Variants in ACAP1 observed in about 807,000 individuals in gnomAD.
ACAP1 encodes arf-GAP with coiled-coil, ANK repeat and PH domain-containing protein 1.
ACAP1 carries 45 observed loss-of-function variants against 98.8 expected under a neutral mutation model. The ratio of observed to expected loss-of-function variants is 0.46; its 90% confidence interval spans 0.36 to 0.58. ACAP1 has a LOEUF of 0.58. Among genes scored for constraint, ACAP1 ranks in the 20% least tolerant of loss-of-function variants. ACAP1 has a pLI of 0.00. For synonymous variants in ACAP1, 362 were observed against 375.3 expected (o/e 0.96, Z 0.41); for missense variants, 735 against 971.4 (o/e 0.76, Z 3.24).
intron 2 of ACAP1, among the ~76,000 whole-genome samples, chr17:7,339,540 G>A (rs1211207620): frequency 6.6e-6 from 1 of 151,966 alleles, no homozygotes; most frequent in Admixed American, 6.6e-5. Context: ...AACCCAGGAG[G>A]CGGAGGTTGC....
chr17:7,336,739 C>T lies in ACAP1; in HGVS notation c.5C>T (p.Thr2Met), dbSNP rs764415476. The change falls in exon 1 of 22, where the codon ACG becomes ATG. Residue 2 changes from threonine to methionine, a missense_variant. Transcript: ENST00000158762. M[T>M]VKLDFEECLK... ...CCCCACAGCAGGCAAGCTGAGATGA[C>T]GGTCAAGCTGGATTTCGAGGAGTGT... 44 of 1,613,790 alleles carry T rather than the reference C, an allele frequency of 2.7e-5. 1 individual carries two copies. Among genetic ancestry groups the T allele is most frequent in the South Asian group, 2.5e-4 (23 of 91,094 alleles).
rs1351637025 is a variant in ACAP1 at position 7,344,626 on chromosome 17, A to G, written c.832A>G (p.Asn278Asp). Residue 278 changes from asparagine (N) to aspartate (D), a missense_variant, in exon 10 of 22, where the codon AAC (asparagine) becomes GAC (aspartate). Asn to Asp is a conservative substitution (Grantham distance 23). Transcript: ENST00000158762. The surrounding 1 kb of genome is among the most constrained non-coding windows in gnomAD (Gnocchi z 4.9). ...MEGHLFKRAS[N>D]AFKTWSRRWF... ...AGGACATCTCTTCAAACGGGCCAGC[A>G]ACGCATTTAAGACCTGGAGCAGGTG... is the stretch of plus-strand genomic sequence containing the variant. 2.6e-6 allele frequency: 4 copies of G among 1,551,480 alleles called. No individual in the cohort carries two copies. The highest frequency in any genetic ancestry group is 8.7e-7 in the Non-Finnish European group (1 of 1,146,942).
At chr17:7,348,733 G>A (rs749433004) in intron 17 of ACAP1, 30 of 583,678 alleles carry the variant, frequency 5.1e-5, no homozygotes, top group African/African-American at 1.3e-4. Flanking sequence ...TGGCTGGAGC[G>A]TCAGGGGTTG....
At chr17:7,342,596 TC>T in intron 5 of ACAP1, 122 bp downstream of exon 5, 1 of 1,151,092 alleles carries the variant, frequency 8.7e-7, no homozygotes, top group Non-Finnish European at 1.3e-6. Context: ...CGAAACTGTC[TC>T]CACAAAAAAT....
intron 1 of ACAP1, 125 bp from the exon 2 acceptor site, chr17:7,337,187 G>A: frequency 2.3e-6 from 2 of 864,498 alleles, no homozygotes; most frequent in South Asian, 1.5e-5. Context: ...AGGTGGGTGG[G>A]GGGCGAGCCT....
In ACAP1 at chr17:7,342,487, C is replaced by G; in HGVS notation, c.344+13C>G. The stretch of plus-strand genomic sequence containing the variant: ...CCCTGGTCAAGGAGTGAGATGGGGC[C>G]GGGCGCAGTGGCTCATGCCTGTAAT... On this transcript the variant is annotated intron_variant, in intron 5 of 21. Coordinates refer to ENST00000158762, the MANE Select transcript of ACAP1 (RefSeq NM_014716.4). 6.2e-7 allele frequency: 1 copy of G among 1,613,786 alleles called. No homozygotes were observed. The highest frequency in any genetic ancestry group is 8.5e-7 in the Non-Finnish European group (1 of 1,179,786).
chr17:7,343,766 G>GT lies in ACAP1; in HGVS notation c.573+16_573+17insT. ...CATGGAGTTTGTGAGTTGTGGCGGGGGTGAGGGCAGGGTGGAGAAGAGCCT... is the reference window on the plus strand; with the variant it reads ...CATGGAGTTTGTGAGTTGTGGCGGGGTGTGAGGGCAGGGTGGAGAAGAGCCT... On this transcript the variant is annotated intron_variant, in intron 7 of 21. Transcript: ENST00000158762. This position sits in a 1 kb window ranked among gnomAD's most constrained non-coding sequence, Gnocchi z 4.9. 2 of 1,613,760 alleles carry GT rather than the reference G, an allele frequency of 1.2e-6. No homozygotes were observed. Among genetic ancestry groups the GT allele is most frequent in the South Asian group, 2.2e-5 (2 of 91,064 alleles).
In ACAP1 at chr17:7,336,915, G is replaced by T. The variant is rs1017628531; in HGVS notation, c.53+128G>T. On this transcript the variant is annotated intron_variant, in intron 1 of 21. Coordinates refer to ENST00000158762, the MANE Select transcript of ACAP1 (RefSeq NM_014716.4). ...CTAAGAGGCAGGAGCGAGCCTGTGG[G>T]CCAAAGTGGTACCCCAGCTGTGAAA... is the stretch of plus-strand genomic sequence containing the variant. 4 of 974,956 alleles carry T rather than the reference G, an allele frequency of 4.1e-6. No homozygotes were observed. In the African/African-American group the frequency reaches 6.5e-5, roughly 16 times the overall value. 60.4% of individuals were successfully genotyped at this position (974,956 alleles called of 1,614,324 possible). A position where few individuals can be genotyped will look rare whatever the true frequency, so the allele number is the denominator to read the frequency against.
intron 1 of ACAP1, 146 bp downstream of exon 1, chr17:7,336,933 C>T (rs1228194418): frequency 1.2e-6 from 1 of 822,516 alleles, no homozygotes; most frequent in African/African-American, 1.7e-5. Context: ...GGTACCCCAG[C>T]TGTGAAAGCA....
At position 7,346,295 on chromosome 17, in the gene ACAP1, G is replaced by C. The variant is rs947250614; in HGVS notation, c.906G>C (p.Lys302Asn). Residue 302 changes from lysine (K) to asparagine (N), a missense_variant and splice_region_variant, in exon 11 of 22, where the codon AAG becomes AAC. By Grantham distance (94) the Lys-to-Asn change is moderately conservative (BLOSUM62 0). Transcript: ENST00000158762. ...AACTGGTTTACCAGAAGAAGTACAA[G>C]GTGAGTGGACCTGGGTCCTGGATGC... ...SNQLVYQKKY[K>N]DPVTVVVDDL... 1.2e-6 allele frequency: 2 copies of C among 1,614,214 alleles called. No individual in the cohort carries two copies. Among genetic ancestry groups the C allele is most frequent in the Non-Finnish European group, 1.7e-6 (2 of 1,180,030 alleles).
chr17:7,351,165 C>T lies in ACAP1; in HGVS notation c.2123-130C>T. The T allele has an allele frequency of 3.7e-6, 4 of 1,081,142 alleles. No homozygotes were observed. In the South Asian group the frequency reaches 4.4e-5, roughly 12 times the overall value. The allele number at this position is 1,081,142 out of a possible 1,614,324, so 67.0% of individuals were successfully genotyped here. A position where few individuals can be genotyped will look rare whatever the true frequency, so the allele number is the denominator to read the frequency against. On this transcript the variant is annotated intron_variant, in intron 21 of 21. Transcript: ENST00000158762. ...GGCCCTGGCAAGGCATAGGTGCTGGCGCAGTGCCCGCGGCGCGCACGTTCC... is the reference window on the plus strand; with the variant it reads ...GGCCCTGGCAAGGCATAGGTGCTGGTGCAGTGCCCGCGGCGCGCACGTTCC...
Position 7,346,423 on chromosome 17 carries a change from T to A in ACAP1, c.939T>A (p.Arg313=), listed in dbSNP as rs572149392. The A allele has an allele frequency of 3.9e-5, 63 of 1,613,966 alleles. No individual in the cohort carries two copies. In the South Asian group the frequency reaches 6.1e-4, roughly 16 times the overall value. The change falls in exon 12 of 22, where the codon CGT becomes CGA. Residue 313 remains arginine (R), a synonymous_variant. Coordinates refer to ENST00000158762, the MANE Select transcript of ACAP1 (RefSeq NM_014716.4). The part of the protein sequence containing the change: ...DPVTVVVDDL[R]LCTVKLCPDS... ...TGACTGTGGTGGTGGATGACCTTCG[T>A]CTCTGCACAGTGAAACTCTGCCCTG...
Position 7,343,146 on chromosome 17 carries a change from C to G in ACAP1, c.345-233C>G, listed in dbSNP as rs935708752. On this transcript the variant is annotated intron_variant, in intron 5 of 21. Transcript: ENST00000158762. This position sits in a 1 kb window ranked among gnomAD's most constrained non-coding sequence, Gnocchi z 4.9. ...GGAGTGAGATGGGAGAGAAGGGGGC[C>G]TTATTTCTCGGAAACCAGCCCTGCT... 2.1e-6 allele frequency: 1 copy of G among 473,372 alleles called. No individual in the cohort carries two copies. Among genetic ancestry groups the G allele is most frequent in the Non-Finnish European group, 3.7e-6 (1 of 269,344 alleles). 29.3% of individuals were successfully genotyped at this position (473,372 alleles called of 1,614,324 possible).
chr17:7,337,303 C>G lies in ACAP1; in HGVS notation c.54-9C>G, dbSNP rs2073230263. ...CCAAGCTCTCTTCCCATGACCCCCT[C>G]TTTCCCAGAGCCTCTATTGAGCTGG... On this transcript the variant is annotated splice_polypyrimidine_tract_variant and intron_variant, in intron 1 of 21. Coordinates refer to ENST00000158762, the MANE Select transcript of ACAP1 (RefSeq NM_014716.4). 1 of 1,613,838 alleles carries G rather than the reference C, an allele frequency of 6.2e-7. No homozygotes were observed.
At position 7,346,841 on chromosome 17, in the gene ACAP1, C is replaced by G. The variant is rs1212183627; in HGVS notation, c.1041C>G (p.Leu347=). 1 of 1,613,300 alleles carries G rather than the reference C, an allele frequency of 6.2e-7. No individual in the cohort carries two copies. The highest frequency in any genetic ancestry group is 8.5e-7 in the Non-Finnish European group (1 of 1,179,462). ...TCCTCCAGGCTGACTCAGAGCGCCT[C>G]CTGCAGCTGTGGGTCAGTGCTGTGC... ...SCLLQADSER[L]LQLWVSAVQS... is the part of the protein sequence containing the mutation. Residue 347 remains leucine, a synonymous_variant, in exon 13 of 22, where the codon CTC becomes CTG. Coordinates refer to ENST00000158762, the MANE Select transcript of ACAP1 (RefSeq NM_014716.4).
chr17:7,337,836 A>C (rs1315860571), intron 2 of ACAP1, among the ~76,000 whole-genome samples: 2 of 152,120 alleles, frequency 1.3e-5, no homozygotes, highest in Non-Finnish European at 2.9e-5. Flanking sequence ...GCTAGGCGAC[A>C]GAGCGAGACT....
intron 13 of ACAP1, 33 bp from the exon 14 acceptor site, chr17:7,346,998 C>A: frequency 6.4e-7 from 1 of 1,570,726 alleles, no homozygotes; most frequent in South Asian, 1.2e-5. Context: ...CCCTAGGCCC[C>A]TTGGCCACCC....
In ACAP1 at chr17:7,350,191, C is replaced by T. The variant is rs1297832674; in HGVS notation, c.2026C>T (p.Pro676Ser). Residue 676 changes from proline (P) to serine (S), a missense_variant, in exon 20 of 22, where the codon CCT (proline) becomes TCT (serine). By Grantham distance (74) the Pro-to-Ser change is moderately conservative (BLOSUM62 -1). This residue lies in a region of ACAP1 where 142 missense variants were observed against 224.1 expected (regional missense o/e 0.63). Transcript: ENST00000158762. This position sits in a 1 kb window ranked among gnomAD's most constrained non-coding sequence, Gnocchi z 4.6. ...GGCTCGAGACTCTGAAGGCAGGGACCCTCTGACCATCGCCATGGAAACAGC... is the reference window on the plus strand; with the variant it reads ...GGCTCGAGACTCTGAAGGCAGGGACTCTCTGACCATCGCCATGGAAACAGC... Reference protein sequence around the residue: ...LGARDSEGRDPLTIAMETANA... With the variant: ...LGARDSEGRDSLTIAMETANA... The T allele has an allele frequency of 6.2e-7, 1 of 1,614,202 alleles. No individual in the cohort carries two copies. The highest frequency in any genetic ancestry group is 8.5e-7 in the Non-Finnish European group (1 of 1,180,026).
chr17:7,343,941 G>C lies in ACAP1; in HGVS notation c.654G>C (p.Lys218Asn), dbSNP rs1254327243. Reference protein sequence around the residue: ...EELSRLSQYRKELGAQLHQLV... With the variant: ...EELSRLSQYRNELGAQLHQLV... ...TGAGCCGGCTGTCCCAGTATCGAAA[G>C]GAGCTGGGCGCCCAGGTGGGGCCCC... Residue 218 changes from lysine to asparagine, a missense_variant, in exon 8 of 22, where the codon AAG (lysine) becomes AAC (asparagine). Lys to Asn is a moderately conservative substitution (Grantham distance 94, BLOSUM62 0). Coordinates refer to ENST00000158762, the MANE Select transcript of ACAP1 (RefSeq NM_014716.4). This position sits in a 1 kb window ranked among gnomAD's most constrained non-coding sequence, Gnocchi z 4.9. 1.9e-6 allele frequency: 3 copies of C among 1,594,490 alleles called. No homozygotes were observed. The highest frequency in any genetic ancestry group is 2.6e-6 in the Non-Finnish European group (3 of 1,170,094).
Sources: gnomAD v4.1 joint callset for allele counts (sites outside exome capture counted in the v4.1 genomes callset) on GRCh38, gnomAD v4.1.1 for gene constraint, gnomAD v4.1.1 regional missense constraint, Gnocchi (gnomAD v3.1) non-coding constraint, MANE v1.5 for transcripts, NCBI Gene and HGNC (gene_info 2026-07-23, HGNC 2026-07-21) for gene names.